Variants in FRMD3 observed in about 807,000 individuals in gnomAD.
The protein encoded by FRMD3 is FERM domain containing 3, also known as FERM domain-containing protein 3.
Under a neutral mutation model 70.2 loss-of-function variants are expected in FRMD3, and 33 were observed. The observed-to-expected ratio is 0.47, with a 90% CI of 0.36 to 0.63. The LOEUF (loss-of-function observed/expected upper bound fraction) is 0.63. Ranked by LOEUF, FRMD3 falls within the 20% of genes least tolerant of loss-of-function variation. The probability of loss-of-function intolerance (pLI) is 0.00; values close to 1 mark genes in which losing one functional copy is unlikely to be tolerated. For missense variants in FRMD3, 632 were observed against 711.4 expected, an observed-to-expected ratio of 0.89 and a Z score of 1.27; for synonymous variants, 279 against 255.9, an observed-to-expected ratio of 1.09 and a Z score of -0.86.
chr9:83,585,367 T>C, the FRMD3 span, among the ~76,000 whole-genome samples: 1 of 152,210 alleles, frequency 6.6e-6, no homozygotes, highest in Admixed American at 6.5e-5. Context: ...AATGCAGTAA[T>C]AGAAACTCTT....
chr9:83,411,069 T>A (rs1826265192), intron 1 of FRMD3, among the ~76,000 whole-genome samples: 1 of 152,152 alleles, frequency 6.6e-6, no homozygotes, highest in Non-Finnish European at 1.5e-5. Context: ...AGAGCGAAGA[T>A]CCTCATCTCT....
At chr9:83,334,395 C>A (rs997363319) in intron 6 of FRMD3, among the ~76,000 whole-genome samples, 1 of 152,150 alleles carries the variant, frequency 6.6e-6, no homozygotes, top group Admixed American at 6.6e-5. Context: ...ACCTTGAATG[C>A]CCTCACATAT....
intron 1 of FRMD3, among the ~76,000 whole-genome samples, chr9:83,484,661 G>A (rs558877657): frequency 3.3e-5 from 5 of 152,122 alleles, no homozygotes; most frequent in African/African-American, 4.8e-5. Flanking sequence ...CAAGTGATCC[G>A]CCCACCTTGG....
intron 13 of FRMD3, among the ~76,000 whole-genome samples, chr9:83,251,127 T>TA (rs1408258338): frequency 2.6e-5 from 4 of 152,142 alleles, no homozygotes; most frequent in Non-Finnish European, 4.4e-5. Flanking sequence ...AACAAGTCAG[T>TA]ACACCCCTGG....
intron 6 of FRMD3, among the ~76,000 whole-genome samples, chr9:83,328,198 G>T (rs553190985): frequency 8.1e-5 from 12 of 148,600 alleles, no homozygotes; most frequent in South Asian, 2.1e-4. Flanking sequence ...AAAAAAAAAT[G>T]GTGGCTGCAA....
chr9:83,585,755 G>C, the FRMD3 span, among the ~76,000 whole-genome samples: 5 of 152,110 alleles, frequency 3.3e-5, no homozygotes, highest in Non-Finnish European at 7.4e-5. Context: ...ACTTATCTAA[G>C]CTATTGTTAT....
At chr9:83,563,818 A>G in the FRMD3 span, among the ~76,000 whole-genome samples, 7 of 152,148 alleles carry the variant, frequency 4.6e-5, no homozygotes, top group African/African-American at 1.4e-4. Flanking sequence ...TTATCCTACC[A>G]CAAGATGCCT....
chr9:83,517,153 A>T (rs1829470607), intron 1 of FRMD3, among the ~76,000 whole-genome samples: 1 of 152,078 alleles, frequency 6.6e-6, no homozygotes, highest in Non-Finnish European at 1.5e-5. Flanking sequence ...AGACATGAAA[A>T]ACCCTTCAAA....
the FRMD3 span, among the ~76,000 whole-genome samples, chr9:83,547,959 A>G: frequency 2.6e-5 from 4 of 152,248 alleles, no homozygotes; most frequent in African/African-American, 9.6e-5. Context: ...AAATAAGTAT[A>G]TGAAACAATA....
chr9:83,393,866 C>T (rs1161878259), intron 1 of FRMD3, among the ~76,000 whole-genome samples: 2 of 151,534 alleles, frequency 1.3e-5, no homozygotes, highest in Non-Finnish European at 2.9e-5. Context: ...GGATCCCCTA[C>T]TCCAAAAAAC....
chr9:83,425,768 A>G (rs10116367), intron 1 of FRMD3, among the ~76,000 whole-genome samples: 127,361 of 151,672 alleles, frequency 0.84, 53,643 homozygotes, highest in Admixed American at 0.86. Context: ...TTAGCCAGGC[A>G]TGGTGGCACA....
intron 1 of FRMD3, among the ~76,000 whole-genome samples, chr9:83,473,156 A>T (rs982270846): frequency 7.2e-5 from 11 of 152,166 alleles, no homozygotes; most frequent in African/African-American, 2.7e-4. Flanking sequence ...GGCTACTGGC[A>T]TTTGAGCTTT....
At chr9:83,423,585 C>CTTTT (rs869226126) in intron 1 of FRMD3, among the ~76,000 whole-genome samples, 4,284 of 60,466 alleles carry the variant, frequency 0.071, 902 homozygotes, top group Non-Finnish European at 0.088. Flanking sequence ...AGCCCTGTTT[C>CTTTT]TTTTTTTTTT....
At chr9:83,526,739 C>G (rs1829691349) in intron 1 of FRMD3, among the ~76,000 whole-genome samples, 1 of 152,170 alleles carries the variant, frequency 6.6e-6, no homozygotes, top group African/African-American at 2.4e-5. Context: ...CTACTTCCAG[C>G]TCTGTGCTAG....
rs10646229 is a variant in FRMD3, at chr9:83,247,384, CTT to C, written c.*532_*533del. ...ACATGTAAATAACTCCAGGAGGCTT[CTT>C]TTTTTTTTTTGCTAAAAATTTACCA... On this transcript the variant is annotated 3_prime_UTR_variant, in exon 14 of 14. Transcript: ENST00000304195. 2.1e-5 allele frequency: 19 copies of C among 914,112 alleles called. No individual in the cohort carries two copies. The highest frequency in any genetic ancestry group is 1.0e-4 in the South Asian group (2 of 19,816). 56.6% of individuals were successfully genotyped at this position (914,112 alleles called of 1,614,324 possible).
chr9:83,358,111 T>C lies in FRMD3; in HGVS notation c.296-8354A>G, dbSNP rs142515645. ...GATCCATCTTGAGTTGATTTTTGTA[T>C]AAGGTGAGAGATGAGGATCCAGTTT... On this transcript the variant is annotated intron_variant, in intron 3 of 13. Transcript: ENST00000304195. 4.7e-4 allele frequency among the ~76,000 whole-genome samples: 72 copies of C among 152,332 alleles called. 1 individual carries two copies. The East Asian group carries it at 0.01, about 22-fold the overall frequency.
At chr9:83,581,021 G>T in the FRMD3 span, among the ~76,000 whole-genome samples, 1 of 152,068 alleles carries the variant, frequency 6.6e-6, no homozygotes, top group African/African-American at 2.4e-5. Context: ...GAGGCTGGGT[G>T]CTAAAAACAA....
At chr9:83,252,261 T>C (rs1832464242) in intron 13 of FRMD3, among the ~76,000 whole-genome samples, 1 of 152,164 alleles carries the variant, frequency 6.6e-6, no homozygotes, top group Non-Finnish European at 1.5e-5. Context: ...ATTTCATCTT[T>C]GGCCAAACTA....
intron 1 of FRMD3, among the ~76,000 whole-genome samples, chr9:83,479,667 G>GAAAGAAA (rs1828496899): frequency 5.1e-5 from 2 of 39,330 alleles, no homozygotes; most frequent in Non-Finnish European, 9.0e-5. Context: ...AAGGAAGGAA[G>GAAAGAAA]GAAGGAAAGA....
Sources: gnomAD v4.1 joint callset for allele counts (sites outside exome capture counted in the v4.1 genomes callset) on GRCh38, gnomAD v4.1.1 for gene constraint, MANE v1.5 for transcripts, NCBI Gene and HGNC (gene_info 2026-07-23, HGNC 2026-07-21) for gene names.